ABLIM1: variants seen among roughly 807,000 people sequenced by gnomAD.
ABLIM1 encodes actin-binding LIM protein 1.
Under a neutral mutation model 107.0 loss-of-function variants are expected in ABLIM1, and 40 were observed. The observed-to-expected ratio is 0.37, with a 90% CI of 0.29 to 0.49. The LOEUF is 0.49. ABLIM1 is among the 20% of genes least tolerant of loss of function. ABLIM1 has a pLI of 0.97. For synonymous variants in ABLIM1, 357 were observed against 357.3 expected (o/e 1.00, Z 0.01); for missense variants, 857 against 1,008.5 (o/e 0.85, Z 2.04).
chr10:114,594,653 G>A (rs890296200), intron 2 of ABLIM1, among the ~76,000 whole-genome samples: 1 of 152,180 alleles, frequency 6.6e-6, no homozygotes, highest in Non-Finnish European at 1.5e-5. Context: ...GGGAGGCTGA[G>A]GCAGGGGAAT....
chr10:114,501,472 A>T (rs538401419), intron 6 of ABLIM1, among the ~76,000 whole-genome samples: 1 of 152,344 alleles, frequency 6.6e-6, no homozygotes, highest in Admixed American at 6.5e-5. Context: ...AAAGTTTATT[A>T]TATAAAATCG....
the ABLIM1 span, among the ~76,000 whole-genome samples, chr10:114,787,337 G>A: frequency 1.5e-4 from 23 of 150,576 alleles, no homozygotes; most frequent in Non-Finnish European, 1.8e-4. Context: ...CCCTCCGCCC[G>A]GCAGCCACCC....
At chr10:114,564,660 C>G (rs1221090825) in intron 4 of ABLIM1, among the ~76,000 whole-genome samples, 1 of 152,122 alleles carries the variant, frequency 6.6e-6, no homozygotes, top group African/African-American at 2.4e-5. Flanking sequence ...CTCTTTGAAG[C>G]AGAGATTTTC....
chr10:114,583,464 CACACATATATATATAT>C (rs1566009681), intron 2 of ABLIM1, among the ~76,000 whole-genome samples: 45 of 8,192 alleles, frequency 5.5e-3, no homozygotes, highest in Non-Finnish European at 6.9e-3. Flanking sequence ...CACACACACA[CACACATATATATATAT>C]ATATATATAT....
chr10:114,460,565 C>A (rs1396880423), intron 12 of ABLIM1, among the ~76,000 whole-genome samples: 1 of 152,188 alleles, frequency 6.6e-6, no homozygotes, highest in Admixed American at 6.5e-5. Context: ...TGTGCCACTG[C>A]ATGCCAGCCT....
At chr10:114,710,448 A>G (rs1566261899) in intron 1 of ABLIM1, among the ~76,000 whole-genome samples, 1 of 152,218 alleles carries the variant, frequency 6.6e-6, no homozygotes, top group Non-Finnish European at 1.5e-5. Context: ...TTATAAAACC[A>G]TCAGATCTCA....
chr10:114,500,938 G>C (rs1289487246), intron 6 of ABLIM1, among the ~76,000 whole-genome samples: 1 of 145,636 alleles, frequency 6.9e-6, no homozygotes, highest in African/African-American at 2.7e-5. Flanking sequence ...GGCCACACCT[G>C]TATCTTCATA....
At chr10:114,461,282 G>T (rs961471333) in intron 12 of ABLIM1, among the ~76,000 whole-genome samples, 1 of 151,094 alleles carries the variant, frequency 6.6e-6, no homozygotes, top group African/African-American at 2.4e-5. Flanking sequence ...GCCCAAGCTG[G>T]TCTTGAACTC....
chr10:114,650,207 C>T (rs539160264), intron 1 of ABLIM1, among the ~76,000 whole-genome samples: 2 of 152,138 alleles, frequency 1.3e-5, no homozygotes, highest in Non-Finnish European at 2.9e-5. Context: ...GTACCCATGG[C>T]CGTCACAGGT....
chr10:114,540,175 C>T (rs1275255626), intron 6 of ABLIM1, among the ~76,000 whole-genome samples: 1 of 152,264 alleles, frequency 6.6e-6, no homozygotes, highest in East Asian at 1.9e-4. Flanking sequence ...CTGAGTGTTA[C>T]GTGCTGGTTT....
At chr10:114,701,222 G>A (rs1198392760) in intron 1 of ABLIM1, among the ~76,000 whole-genome samples, 1 of 152,082 alleles carries the variant, frequency 6.6e-6, no homozygotes, top group Non-Finnish European at 1.5e-5. Context: ...TAAATGCAAA[G>A]TAAAAATCAC....
chr10:114,463,140 C>G, intron 12 of ABLIM1: 1 of 1,311,016 alleles, frequency 7.6e-7, no homozygotes, highest in Non-Finnish European at 1.0e-6. Context: ...GTACGACAAC[C>G]TCTGCACACC....
rs112612253 is a variant in ABLIM1, at chr10:114,762,328, C to T, written c.-213+5733G>A. Among the ~76,000 whole-genome samples the T allele has an allele frequency of 7.6e-3, 1,159 of 152,246 alleles. 10 individuals are homozygous for T. Among genetic ancestry groups the T allele is most frequent in the African/African-American group, 0.027 (1,116 of 41,528 alleles). The stretch of plus-strand genomic sequence containing the variant: ...GATTACAGGCGTGAGCCACTGTGCC[C>T]GGCCAGGATATCCTTTTATAAATAT... On this transcript the variant is annotated intron_variant, in intron 1 of 15. Transcript: ENST00000651092.
chr10:114,622,242 T>C (rs2077511816), intron 1 of ABLIM1, among the ~76,000 whole-genome samples: 1 of 144,716 alleles, frequency 6.9e-6, no homozygotes, highest in Non-Finnish European at 1.5e-5. Context: ...TCCACTTTTC[T>C]TTTTCTTTTT....
intron 1 of ABLIM1, among the ~76,000 whole-genome samples, chr10:114,764,556 G>T (rs1292024046): frequency 6.6e-6 from 1 of 151,996 alleles, no homozygotes; most frequent in Non-Finnish European, 1.5e-5. Flanking sequence ...TGGCCAGGCT[G>T]GTCTTAAACT....
intron 19 of ABLIM1, among the ~76,000 whole-genome samples, chr10:114,440,614 A>G (rs770927892): frequency 6.6e-6 from 1 of 151,748 alleles, no homozygotes; most frequent in Non-Finnish European, 1.5e-5. Context: ...TAATTATTAT[A>G]ATTTGTTGTT....
intron 1 of ABLIM1, among the ~76,000 whole-genome samples, chr10:114,620,779 T>C (rs1392339461): frequency 6.6e-6 from 1 of 152,152 alleles, no homozygotes; most frequent in South Asian, 2.1e-4. Context: ...AGATTTTACA[T>C]AAAAATCCCT....
intron 1 of ABLIM1, among the ~76,000 whole-genome samples, chr10:114,669,637 C>T (rs190052677): frequency 2.4e-4 from 36 of 152,284 alleles, no homozygotes; most frequent in Non-Finnish European, 4.0e-4. Flanking sequence ...AACAGGAGAA[C>T]AAAGTGCTTT....
At chr10:114,652,750 G>A (rs538707117) in intron 1 of ABLIM1, among the ~76,000 whole-genome samples, 4 of 152,216 alleles carry the variant, frequency 2.6e-5, no homozygotes, top group Admixed American at 6.5e-5. Context: ...GAAGGTAATC[G>A]CCCTAAATAT....
Sources: allele counts gnomAD v4.1 joint callset (sites outside exome capture counted in the v4.1 genomes callset), GRCh38; gene constraint gnomAD v4.1.1; transcripts MANE v1.5; gene names NCBI Gene and HGNC (gene_info 2026-07-23, HGNC 2026-07-21).